Variants in ZNF438 observed in about 807,000 individuals in gnomAD.
The protein encoded by ZNF438 is zinc finger protein 438.
Under a neutral mutation model 38.0 loss-of-function variants are expected in ZNF438, and 25 were observed. The observed-to-expected ratio is 0.66, with a 90% confidence interval of 0.48 to 0.92. The LOEUF is 0.92. Among genes scored for constraint, ZNF438 ranks in the 40% least tolerant of loss-of-function variants. ZNF438 has a pLI of 0.00. For synonymous variants in ZNF438, 372 were observed against 364.1 expected (o/e 1.02, Z -0.25); for missense variants, 1,007 against 999.6 (o/e 1.01, Z -0.10).
At chr10:30,960,473 T>C (rs1177028022) in intron 1 of ZNF438, among the ~76,000 whole-genome samples, 1 of 147,180 alleles carries the variant, frequency 6.8e-6, no homozygotes, top group Non-Finnish European at 1.5e-5. Context: ...GAAGTTAATT[T>C]TTGTATATGA....
At chr10:30,994,142 T>G (rs1332354624) in intron 1 of ZNF438, among the ~76,000 whole-genome samples, 3 of 152,226 alleles carry the variant, frequency 2.0e-5, no homozygotes, top group African/African-American at 7.2e-5. Context: ...CAAATCTGAT[T>G]TACATGAGAC....
At chr10:30,962,985 G>C (rs561311492) in intron 1 of ZNF438, among the ~76,000 whole-genome samples, 1 of 152,170 alleles carries the variant, frequency 6.6e-6, no homozygotes, top group East Asian at 1.9e-4. Flanking sequence ...CTTTTAATAA[G>C]TAAATATAAT....
chr10:30,896,112 G>A (rs1018868412), intron 3 of ZNF438, among the ~76,000 whole-genome samples: 5 of 151,918 alleles, frequency 3.3e-5, no homozygotes, highest in East Asian at 1.9e-4. Flanking sequence ...TGGCTAACAC[G>A]GTGAAACCCC....
At chr10:30,978,669 C>T (rs1029502204) in intron 1 of ZNF438, among the ~76,000 whole-genome samples, 28 of 152,176 alleles carry the variant, frequency 1.8e-4, no homozygotes, top group African/African-American at 5.6e-4. Flanking sequence ...TGTCACCATA[C>T]AGTAAATTTA....
chr10:31,002,512 C>G (rs1372685522), intron 1 of ZNF438, among the ~76,000 whole-genome samples: 1 of 152,124 alleles, frequency 6.6e-6, no homozygotes, highest in East Asian at 1.9e-4. Context: ...CTTCACAAAT[C>G]TGAATATTGT....
chr10:30,848,455 C>T (rs561990153), intron 5 of ZNF438, 76 bp downstream of exon 6: 6 of 1,505,012 alleles, frequency 4.0e-6, no homozygotes, highest in Middle Eastern at 2.2e-4. Context: ...ACTCTCCTTT[C>T]TGAATATGAA....
intron 2 of ZNF438, chr10:30,921,314 A>G (rs773585747): frequency 3.9e-5 from 6 of 152,218 alleles, no homozygotes; most frequent in Non-Finnish European, 7.3e-5. Flanking sequence ...TAAAGTCTCA[A>G]ATAAATCATT....
chr10:30,929,157 C>T (rs1011112975), intron 2 of ZNF438, among the ~76,000 whole-genome samples: 5 of 152,172 alleles, frequency 3.3e-5, no homozygotes, highest in African/African-American at 1.2e-4. Context: ...CTTTGGGAGG[C>T]CAAGGTGGGC....
At chr10:31,009,320 A>G (rs910253683) in intron 1 of ZNF438, among the ~76,000 whole-genome samples, 1 of 152,216 alleles carries the variant, frequency 6.6e-6, no homozygotes, top group African/African-American at 2.4e-5. Context: ...CACTCTTTTA[A>G]AGAAAACGTA....
Position 30,874,108 on chromosome 10 carries a change from GTGTGTGTATATATATATATATATATA to G in ZNF438, c.37+2864_37+2889del, listed in dbSNP as rs1170875400. Among the ~76,000 whole-genome samples the G allele has an allele frequency of 9.6e-4, 104 of 108,184 alleles. 7 individuals carry two copies. Among genetic ancestry groups the G allele is most frequent in the East Asian group, 2.2e-3 (10 of 4,540 alleles). The allele number at this position is 108,184 out of a possible 152,430, so 71.0% of individuals were successfully genotyped here. On this transcript the variant is annotated intron_variant, in intron 4 of 5. Transcript: ENST00000413025. ...ATTACGTGTGGGTGTGTGGGGGTGT[GTGTGTGTATATATATATATATATATA>G]TATATATATATATATATATATATAT...
chr10:30,988,128 TG>T (rs2053057276), intron 1 of ZNF438, among the ~76,000 whole-genome samples: 1 of 152,146 alleles, frequency 6.6e-6, no homozygotes, highest in Non-Finnish European at 1.5e-5. Flanking sequence ...TCGAGTTTAC[TG>T]TTTTTTTTAA....
intron 3 of ZNF438, among the ~76,000 whole-genome samples, chr10:30,903,786 T>C (rs1417279657): frequency 3.3e-5 from 5 of 152,224 alleles, no homozygotes. Context: ...TTTGTCCCTG[T>C]ATCTAACTCA....
intron 1 of ZNF438, among the ~76,000 whole-genome samples, chr10:31,015,734 T>C (rs1277310102): frequency 6.6e-6 from 1 of 152,206 alleles, no homozygotes; most frequent in Non-Finnish European, 1.5e-5. Flanking sequence ...GCTGCAATAA[T>C]GACATACCAT....
At chr10:31,012,066 T>C (rs2055754245) in intron 1 of ZNF438, among the ~76,000 whole-genome samples, 1 of 152,132 alleles carries the variant, frequency 6.6e-6, no homozygotes, top group Non-Finnish European at 1.5e-5. Flanking sequence ...ATAACACTCA[T>C]GTCTCTGCTC....
At chr10:30,866,768 A>G (rs2133310960) in intron 4 of ZNF438, among the ~76,000 whole-genome samples, 1 of 151,918 alleles carries the variant, frequency 6.6e-6, no homozygotes. Flanking sequence ...TGGGAGGTGG[A>G]GCTTGCAGTG....
At chr10:31,027,889 A>G (rs2061526846) in intron 1 of ZNF438, among the ~76,000 whole-genome samples, 2 of 152,226 alleles carry the variant, frequency 1.3e-5, no homozygotes, top group South Asian at 4.1e-4. Context: ...TTCTGAAATT[A>G]ACCATAAAAT....
intron 2 of ZNF438, among the ~76,000 whole-genome samples, chr10:30,930,108 C>T (rs1022201873): frequency 1.1e-5 from 1 of 93,532 alleles, no homozygotes; most frequent in Non-Finnish European, 2.1e-5. Flanking sequence ...GAGCAGGGGG[C>T]GGTGCCCGTA....
At chr10:30,852,987 G>A (rs2132870714) in intron 4 of ZNF438, among the ~76,000 whole-genome samples, 1 of 151,166 alleles carries the variant, frequency 6.6e-6, no homozygotes, top group South Asian at 2.1e-4. Flanking sequence ...TTTGGAAGAA[G>A]TACCAAAATA....
At chr10:30,883,221 C>T (rs1354173307) in intron 3 of ZNF438, among the ~76,000 whole-genome samples, 1 of 152,032 alleles carries the variant, frequency 6.6e-6, no homozygotes, top group Non-Finnish European at 1.5e-5. Context: ...ATAATACAAA[C>T]TTTGGGGGAA....
Sources: allele counts gnomAD v4.1 joint callset (sites outside exome capture counted in the v4.1 genomes callset), GRCh38; gene constraint gnomAD v4.1.1; transcripts MANE v1.5; gene names NCBI Gene and HGNC (gene_info 2026-07-23, HGNC 2026-07-21).